Variants in ARHGAP21 observed in about 807,000 individuals in gnomAD.
The protein encoded by ARHGAP21 is Rho GTPase activating protein 21, also known as rho GTPase-activating protein 21.
Under a neutral mutation model 164.6 loss-of-function variants are expected in ARHGAP21, and 38 were observed. That is an observed-to-expected ratio of 0.23 (90% CI 0.18 to 0.30). The LOEUF (loss-of-function observed/expected upper bound fraction) is 0.30. Among genes scored for constraint, ARHGAP21 ranks in the 10% least tolerant of loss-of-function variants. ARHGAP21 has a pLI of 1.00. For missense variants in ARHGAP21, 1,822 were observed against 2,370.7 expected (o/e 0.77, Z 4.81); for synonymous variants, 766 against 857.9 (o/e 0.89, Z 1.87).
intron 4 of ARHGAP21, among the ~76,000 whole-genome samples, chr10:24,653,008 T>A (rs955933162): frequency 6.6e-6 from 1 of 152,116 alleles, no homozygotes; most frequent in Non-Finnish European, 1.5e-5. Flanking sequence ...CTGAAAAAAA[T>A]TCAATGTCAA....
intron 9 of ARHGAP21, among the ~76,000 whole-genome samples, chr10:24,617,053 C>G (rs887663878): frequency 6.6e-6 from 1 of 152,040 alleles, no homozygotes; most frequent in Admixed American, 6.6e-5. Context: ...CTGGGCCGCA[C>G]AGCAGAAGGT....
chr10:24,700,684 T>C (rs1222027091), intron 2 of ARHGAP21, among the ~76,000 whole-genome samples: 2 of 152,242 alleles, frequency 1.3e-5, no homozygotes, highest in Non-Finnish European at 2.9e-5. Flanking sequence ...TTAAATAATA[T>C]GGTAAGTGGT....
chr10:24,644,473 G>A (rs577674352), intron 4 of ARHGAP21, among the ~76,000 whole-genome samples: 1 of 152,236 alleles, frequency 6.6e-6, no homozygotes, highest in South Asian at 2.1e-4. Context: ...ACGGTTTGCT[G>A]CTCTAATTTT....
At position 24,621,164 on chromosome 10, in the gene ARHGAP21, T is replaced by C. The variant is rs752401843; in HGVS notation, c.731A>G (p.Tyr244Cys). ...TGGAGGCACTTGTATTTCCATTCTA[T>C]AGGCCCTACCAGGTTGTGTCAGTAC... Reference protein sequence around the residue: ...TPVLTQPGRAYRMEIQVPPSP... With the variant: ...TPVLTQPGRACRMEIQVPPSP... Residue 244 changes from tyrosine to cysteine, a missense_variant, in exon 9 of 26, where the codon TAT becomes TGT. Transcript: ENST00000396432. 6 of 1,613,768 alleles carry C rather than the reference T, an allele frequency of 3.7e-6. No homozygotes were observed. Among genetic ancestry groups the C allele is most frequent in the South Asian group, 2.2e-5 (2 of 91,082 alleles).
At chr10:24,604,902 G>C (rs1362402579) in intron 11 of ARHGAP21, among the ~76,000 whole-genome samples, 1 of 152,122 alleles carries the variant, frequency 6.6e-6, no homozygotes, top group Non-Finnish European at 1.5e-5. Flanking sequence ...CACTGAACAG[G>C]CTTAGAGCTT....
Position 24,620,340 on chromosome 10 carries a change from T to G in ARHGAP21, c.1555A>C (p.Asn519His). Residue 519 changes from asparagine to histidine, a missense_variant, in exon 9 of 26, where the codon AAT (asparagine) becomes CAT (histidine). By Grantham distance (68) the Asn-to-His change is moderately conservative. Around this residue, in one of 5 missense-constraint regions of ARHGAP21, gnomAD observed 1,090 missense variants for 1,378.9 expected, o/e 0.79. Transcript: ENST00000396432. ...TTGTAAGTCTGTTTTTTCTCTCCAT[T>G]GGAATCAGGTATTGGAGTTCCAGAA... ...VNSGTPIPDS[N>H]GEKKQTYKWS... 1.2e-6 allele frequency: 2 copies of G among 1,613,980 alleles called. No homozygotes were observed. Among genetic ancestry groups the G allele is most frequent in the Non-Finnish European group, 1.7e-6 (2 of 1,179,876 alleles).
intron 3 of ARHGAP21, among the ~76,000 whole-genome samples, 178 bp downstream of exon 3, chr10:24,670,040 G>A (rs968509630): frequency 1.3e-5 from 2 of 152,114 alleles, no homozygotes; most frequent in Non-Finnish European, 2.9e-5. Context: ...TTTCTGTTTT[G>A]TTCTTGAAGG....
intron 7 of ARHGAP21, among the ~76,000 whole-genome samples, chr10:24,625,767 C>T (rs1380462368): frequency 6.6e-6 from 1 of 152,096 alleles, no homozygotes; most frequent in Non-Finnish European, 1.5e-5. Context: ...AAAAGTAATT[C>T]TAATAAACTT....
intron 4 of ARHGAP21, among the ~76,000 whole-genome samples, chr10:24,658,741 C>T (rs905909972): frequency 5.4e-4 from 82 of 152,020 alleles, no homozygotes; most frequent in African/African-American, 1.8e-3. Flanking sequence ...GACGAGTTAA[C>T]GGGTGCAGCA....
chr10:24,721,965 C>T lies in ARHGAP21; in HGVS notation c.-66G>A. 6.5e-7 allele frequency: 1 copy of T among 1,528,908 alleles called. No homozygotes were observed. The highest frequency in any genetic ancestry group is 9.0e-7 in the Non-Finnish European group (1 of 1,108,322). 94.7% of individuals were successfully genotyped at this position (1,528,908 alleles called of 1,614,324 possible). A position where few individuals can be genotyped will look rare whatever the true frequency, so the allele number is the denominator to read the frequency against. ...CCACATTGGACGTGGCGGGGAATGC[C>T]ACCACACACCCGAAGGGGAAGAATT... On this transcript the variant is annotated 5_prime_UTR_variant, in exon 2 of 26. Transcript: ENST00000396432.
intron 12 of ARHGAP21, among the ~76,000 whole-genome samples, chr10:24,602,802 G>A (rs1344604344): frequency 6.6e-6 from 1 of 152,158 alleles, no homozygotes; most frequent in Non-Finnish European, 1.5e-5. Flanking sequence ...GGTGAAAGAT[G>A]ACGGCAGCTT....
intron 25 of ARHGAP21, among the ~76,000 whole-genome samples, chr10:24,586,492 T>C (rs925819763): frequency 6.6e-6 from 1 of 152,202 alleles, no homozygotes; most frequent in African/African-American, 2.4e-5. Flanking sequence ...TAAAACAATA[T>C]TGTGACACGG....
At chr10:24,586,214 C>T (rs2076095952) in intron 25 of ARHGAP21, 108 bp from the exon 26 acceptor site, 26 of 1,352,398 alleles carry the variant, frequency 1.9e-5, no homozygotes, top group Non-Finnish European at 2.5e-5. Context: ...TCTACTAAAG[C>T]TCTGGAAGCA....
At chr10:24,689,463 G>C (rs1414772727) in intron 2 of ARHGAP21, among the ~76,000 whole-genome samples, 2 of 152,150 alleles carry the variant, frequency 1.3e-5, no homozygotes, top group Non-Finnish European at 2.9e-5. Flanking sequence ...ACACTGGCTG[G>C]AAGTGGTGGC....
At chr10:24,643,309 G>T (rs556535184) in intron 4 of ARHGAP21, among the ~76,000 whole-genome samples, 4 of 152,170 alleles carry the variant, frequency 2.6e-5, no homozygotes, top group Non-Finnish European at 5.9e-5. Context: ...ATCATATCTA[G>T]ATTCATAGCC....
chr10:24,721,757 G>C (rs1262066192), intron 2 of ARHGAP21, 80 bp downstream of exon 2: 1 of 1,535,288 alleles, frequency 6.5e-7, no homozygotes, highest in Admixed American at 1.8e-5. Flanking sequence ...GAGGCCCCGT[G>C]GCCGGTAACC....
chr10:24,624,391 G>A (rs1485325087), intron 7 of ARHGAP21, among the ~76,000 whole-genome samples: 1 of 138,926 alleles, frequency 7.2e-6, no homozygotes, highest in Non-Finnish European at 1.5e-5. Context: ...CCAGGCTGGA[G>A]TGCAGTGGCG....
intron 7 of ARHGAP21, chr10:24,629,411 TA>T (rs1835627175): frequency 6.6e-6 from 1 of 152,238 alleles, no homozygotes; most frequent in Non-Finnish European, 1.5e-5. Flanking sequence ...GACTAAATAC[TA>T]AAGTTTTCAA....
At chr10:24,686,720 C>T (rs1274317298) in intron 2 of ARHGAP21, among the ~76,000 whole-genome samples, 1 of 152,190 alleles carries the variant, frequency 6.6e-6, no homozygotes, top group East Asian at 1.9e-4. Context: ...AACATGCACG[C>T]AAGCAGTTGT....
Sources: allele counts gnomAD v4.1 joint callset (sites outside exome capture counted in the v4.1 genomes callset), GRCh38; gene constraint gnomAD v4.1.1; regional missense constraint gnomAD v4.1.1; transcripts MANE v1.5; gene names NCBI Gene and HGNC (gene_info 2026-07-23, HGNC 2026-07-21).